CACNB2: variants seen among roughly 807,000 people sequenced by gnomAD.
CACNB2 encodes the protein calcium voltage-gated channel auxiliary subunit beta 2, also known as voltage-dependent L-type calcium channel subunit beta-2.
Under a neutral mutation model 73.3 loss-of-function variants are expected in CACNB2, and 42 were observed. The ratio of observed to expected loss-of-function variants is 0.57; its 90% confidence interval spans 0.45 to 0.74. The LOEUF is 0.74. Among genes scored for constraint, CACNB2 ranks in the 30% least tolerant of loss-of-function variants. The pLI is 0.00. For synonymous variants in CACNB2, 348 were observed against 310.3 expected (o/e 1.12, Z -1.28); for missense variants, 940 against 853.0 (o/e 1.10, Z -1.27).
chr10:18,435,071 C>A (rs996024868), intron 3 of CACNB2, among the ~76,000 whole-genome samples: 5 of 152,176 alleles, frequency 3.3e-5, no homozygotes, highest in African/African-American at 4.8e-5. Flanking sequence ...CACGTAGATG[C>A]CTTCTGCTGA....
chr10:18,257,776 G>T lies in CACNB2; in HGVS notation c.213+106801G>T, dbSNP rs57205757. On this transcript the variant is annotated intron_variant, in intron 2 of 13. Coordinates refer to ENST00000324631, the MANE Select transcript of CACNB2 (RefSeq NM_201596.3). Reference sequence around the variant, plus strand: ...CTCTGTTTTTTGAGATGGAGTTTCCGTCTGTCACCCAGGCTGGAGTGCAGT... The same window carrying T: ...CTCTGTTTTTTGAGATGGAGTTTCCTTCTGTCACCCAGGCTGGAGTGCAGT... 5.2e-3 allele frequency among the ~76,000 whole-genome samples: 788 copies of T among 152,132 alleles called. 19 individuals carry two copies. In the South Asian group the frequency reaches 0.073, roughly 14 times the overall value.
At chr10:18,446,294 A>T (rs1333641604) in intron 3 of CACNB2, among the ~76,000 whole-genome samples, 1 of 152,220 alleles carries the variant, frequency 6.6e-6, no homozygotes, top group East Asian at 1.9e-4. Context: ...ATTTTCTTTC[A>T]TTGAGTGAAG....
At chr10:18,325,522 CTCTT>C (rs142852039) in intron 2 of CACNB2, among the ~76,000 whole-genome samples, 11,858 of 151,878 alleles carry the variant, frequency 0.078, 646 homozygotes, top group Non-Finnish European at 0.12. Flanking sequence ...GTCTTTCTTT[CTCTT>C]TCTTTCTTCC....
chr10:18,274,810 A>T (rs2038208793), intron 2 of CACNB2, among the ~76,000 whole-genome samples: 1 of 152,206 alleles, frequency 6.6e-6, no homozygotes, highest in African/African-American at 2.4e-5. Context: ...AACACTTAAA[A>T]TTTCAAAATG....
At chr10:18,458,037 C>T (rs1468554551) in intron 3 of CACNB2, among the ~76,000 whole-genome samples, 5 of 152,158 alleles carry the variant, frequency 3.3e-5, no homozygotes, top group Admixed American at 1.3e-4. Flanking sequence ...TTCACTAAGC[C>T]AGAAAATTAT....
intron 2 of CACNB2, among the ~76,000 whole-genome samples, chr10:18,356,937 A>AGTGTCTT (rs2041933455): frequency 2.0e-5 from 1 of 48,960 alleles, no homozygotes; most frequent in Admixed American, 2.8e-4. Flanking sequence ...GCCCAGACTC[A>AGTGTCTT]ATTTCTTTTT....
intron 2 of CACNB2, among the ~76,000 whole-genome samples, chr10:18,336,170 GT>G (rs2040997051): frequency 6.6e-6 from 1 of 152,136 alleles, no homozygotes; most frequent in Non-Finnish European, 1.5e-5. Flanking sequence ...GCCAAATTTT[GT>G]TTTTAATTCA....
intron 9 of CACNB2, among the ~76,000 whole-genome samples, chr10:18,522,864 T>G (rs2052047878): frequency 3.0e-5 from 3 of 100,248 alleles, no homozygotes; most frequent in African/African-American, 4.1e-5. Flanking sequence ...GGAAACAGAG[T>G]GAGACTCTGT....
chr10:18,246,692 C>T (rs1486506067), intron 2 of CACNB2, among the ~76,000 whole-genome samples: 9 of 152,144 alleles, frequency 5.9e-5, no homozygotes, highest in South Asian at 4.1e-4. Flanking sequence ...GTGATCCTCC[C>T]GCCTCAGCCT....
chr10:18,448,752 C>T (rs947795316), intron 3 of CACNB2, among the ~76,000 whole-genome samples: 1 of 152,024 alleles, frequency 6.6e-6, no homozygotes, highest in African/African-American at 2.4e-5. Context: ...TCAAGGTGTG[C>T]CCTGGGAGAG....
intron 2 of CACNB2, among the ~76,000 whole-genome samples, chr10:18,235,934 C>T (rs1013119518): frequency 3.3e-5 from 5 of 152,104 alleles, no homozygotes; most frequent in African/African-American, 1.2e-4. Flanking sequence ...AGTGATTTCT[C>T]ACAAGACCTG....
At chr10:18,384,666 G>T (rs1401999316) in intron 2 of CACNB2, among the ~76,000 whole-genome samples, 1 of 151,810 alleles carries the variant, frequency 6.6e-6, no homozygotes, top group Non-Finnish European at 1.5e-5. Flanking sequence ...GAAGGTGGAG[G>T]TTGCAGCGAG....
intron 2 of CACNB2, among the ~76,000 whole-genome samples, chr10:18,374,602 G>A (rs1429403236): frequency 6.6e-6 from 1 of 152,126 alleles, no homozygotes; most frequent in East Asian, 1.9e-4. Context: ...AATTAGTCAA[G>A]GCTAAGGTGG....
chr10:18,499,907 ACAGGAGTGAGC>A (rs1432387617), intron 4 of CACNB2, among the ~76,000 whole-genome samples: 1 of 151,912 alleles, frequency 6.6e-6, no homozygotes, highest in African/African-American at 2.4e-5. Flanking sequence ...GAAATTCAAG[ACAGGAGTGAGC>A]CAGGATCATG....
At chr10:18,505,709 A>G (rs972829053) in intron 5 of CACNB2, among the ~76,000 whole-genome samples, 1 of 152,214 alleles carries the variant, frequency 6.6e-6, no homozygotes, top group Non-Finnish European at 1.5e-5. Flanking sequence ...CACGTTATTT[A>G]GCATGCTAGT....
At chr10:18,318,635 A>G (rs1021248464) in intron 2 of CACNB2, among the ~76,000 whole-genome samples, 2 of 152,256 alleles carry the variant, frequency 1.3e-5, no homozygotes, top group African/African-American at 4.8e-5. Context: ...GCTTCTGTAC[A>G]GCAAAATAAA....
chr10:18,506,552 G>A lies in CACNB2; in HGVS notation c.670+5G>A. ...AATCAACACCTCCATCATCTGGTAA[G>A]TAGGTGATAAATGCTGAATAATACA... is the stretch of plus-strand genomic sequence containing the variant. On this transcript the variant is annotated splice_donor_5th_base_variant and intron_variant, in intron 6 of 13. Transcript: ENST00000324631. 1 of 1,557,612 alleles carries A rather than the reference G, an allele frequency of 6.4e-7. No individual in the cohort carries two copies. Among genetic ancestry groups the A allele is most frequent in the Non-Finnish European group, 8.9e-7 (1 of 1,128,882 alleles).
chr10:18,400,922 C>CT, intron 2 of CACNB2: 1 of 1,575,778 alleles, frequency 6.3e-7, no homozygotes, highest in Non-Finnish European at 8.6e-7. Flanking sequence ...AGAACAGGGG[C>CT]TTGCCCAGAG....
At chr10:18,398,055 A>G (rs373786202) in intron 2 of CACNB2, among the ~76,000 whole-genome samples, 9 of 152,186 alleles carry the variant, frequency 5.9e-5, no homozygotes, top group Non-Finnish European at 1.3e-4. Context: ...TAATGAACCT[A>G]TTCCGGAGTT....
Sources: allele counts gnomAD v4.1 joint callset (sites outside exome capture counted in the v4.1 genomes callset), GRCh38; gene constraint gnomAD v4.1.1; transcripts MANE v1.5; gene names NCBI Gene and HGNC (gene_info 2026-07-23, HGNC 2026-07-21).